The following CD72 variants were observed in gnomAD, a reference collection of about 807,000 sequenced individuals.
The protein encoded by CD72 is CD72 molecule.
CD72 carries 28 observed loss-of-function variants against 50.7 expected under a neutral mutation model. The ratio of observed to expected loss-of-function variants is 0.55; its 90% CI spans 0.41 to 0.76. CD72 has a LOEUF of 0.76. Among genes scored for constraint, CD72 ranks in the 30% least tolerant of loss-of-function variants. The pLI, the probability that CD72 is intolerant of heterozygous loss-of-function variation, is 0.00. For synonymous variants in CD72, 176 were observed against 171.2 expected (o/e 1.03, Z -0.22); for missense variants, 403 against 420.6 (o/e 0.96, Z 0.37).
intron 1 of CD72, among the ~76,000 whole-genome samples, chr9:35,630,036 C>CTTTTTTTTTTTTTT (rs35481553): frequency 1.6e-3 from 209 of 128,944 alleles, no homozygotes; most frequent in Non-Finnish European, 2.1e-3. Flanking sequence ...AATTTCTTTT[C>CTTTTTTTTTTTTTT]TTTTTTTTTT....
intron 2 of CD72, 50 bp from the exon 3 acceptor site, chr9:35,617,297 C>T (rs1474441121): frequency 3.5e-5 from 52 of 1,502,480 alleles, no homozygotes; most frequent in Non-Finnish European, 4.3e-5. Context: ...AGTGTTGCCC[C>T]TTCTCCTCCT....
chr9:35,610,708 C>G lies in CD72; in HGVS notation c.996G>C (p.Trp332Cys). Residue 332 changes from tryptophan to cysteine, a missense_variant, in exon 8 of 9, where the codon TGG (tryptophan) becomes TGC (cysteine). Physicochemically the swap from Trp to Cys is radical, Grantham distance 215 (BLOSUM62 -2). Coordinates refer to ENST00000259633, the MANE Select transcript of CD72 (RefSeq NM_001782.3). ...SSKCNKVHKT[W>C]SWWTLESESC... ...ACTCTGACTCCAGTGTCCACCATGA[C>G]CAAGTTTTATGTACCTTGTTACATT... is the stretch of plus-strand genomic sequence containing the variant. 1 of 1,612,746 alleles carries G rather than the reference C, an allele frequency of 6.2e-7. No individual in the cohort carries two copies. The highest frequency in any genetic ancestry group is 2.2e-5 in the East Asian group (1 of 44,880).
At chr9:35,626,507 G>A (rs1469836031) in intron 1 of CD72, among the ~76,000 whole-genome samples, 3 of 152,196 alleles carry the variant, frequency 2.0e-5, no homozygotes, top group East Asian at 1.9e-4. Flanking sequence ...CAGGGTTTGC[G>A]AGGATTGACT....
At chr9:35,617,928 C>T in intron 2 of CD72, 86 bp downstream of exon 2, 2 of 849,358 alleles carry the variant, frequency 2.4e-6, no homozygotes, top group Non-Finnish European at 4.1e-6. Context: ...AAGACCCTGT[C>T]TCAAGAACAA....
intron 1 of CD72, among the ~76,000 whole-genome samples, chr9:35,638,901 G>C (rs1823314884): frequency 6.6e-6 from 1 of 152,168 alleles, no homozygotes; most frequent in African/African-American, 2.4e-5. Context: ...TGTTAATTCT[G>C]ACAAGCTAAA....
In CD72 at chr9:35,612,671, G is replaced by C; in HGVS notation, c.834+177C>G. On this transcript the variant is annotated intron_variant, in intron 6 of 8. Coordinates refer to ENST00000259633, the MANE Select transcript of CD72 (RefSeq NM_001782.3). Reference sequence around the variant, plus strand: ...TAGGGGCTGCCTGGACCACTGTGCTGAGAAGATGCAGAGGTTGTTTCCAAG... The same window carrying C: ...TAGGGGCTGCCTGGACCACTGTGCTCAGAAGATGCAGAGGTTGTTTCCAAG... The C allele has an allele frequency of 6.4e-6, 4 of 625,736 alleles. No individual in the cohort carries two copies. In the East Asian group the frequency reaches 1.1e-4, roughly 17 times the overall value. 38.8% of individuals were successfully genotyped at this position (625,736 alleles called of 1,614,324 possible).
At chr9:35,621,055 G>T (rs1003076519), upstream of CD72, among the ~76,000 whole-genome samples, 2 of 152,176 alleles carry the variant, frequency 1.3e-5, no homozygotes, top group African/African-American at 4.8e-5. Flanking sequence ...GTCACTTGGG[G>T]TCTTTACAGT....
intron 1 of CD72, among the ~76,000 whole-genome samples, chr9:35,628,777 G>C (rs1290889634): frequency 3.3e-5 from 5 of 152,208 alleles, no homozygotes; most frequent in African/African-American, 1.2e-4. Flanking sequence ...CTGGGAGTGG[G>C]AGAGTAACTG....
At chr9:35,629,680 G>A (rs564624490) in intron 1 of CD72, among the ~76,000 whole-genome samples, 4 of 152,204 alleles carry the variant, frequency 2.6e-5, no homozygotes, top group Non-Finnish European at 5.9e-5. Flanking sequence ...GCCAGAACCC[G>A]TGAACATAGA....
chr9:35,641,534 T>G (rs1301201994), intron 1 of CD72, among the ~76,000 whole-genome samples: 2 of 152,158 alleles, frequency 1.3e-5, no homozygotes, highest in Non-Finnish European at 2.9e-5. Flanking sequence ...TAAAGTAATT[T>G]CCATTGGTTA....
At chr9:35,619,734 G>A (rs936212304), upstream of CD72, among the ~76,000 whole-genome samples, 1 of 152,192 alleles carries the variant, frequency 6.6e-6, no homozygotes, top group African/African-American at 2.4e-5. Context: ...TGAGGTGAGC[G>A]GCTATGTCAG....
intron 1 of CD72, among the ~76,000 whole-genome samples, chr9:35,632,247 G>C (rs931634615): frequency 6.7e-6 from 1 of 150,148 alleles, no homozygotes; most frequent in South Asian, 2.1e-4. Flanking sequence ...GCGCGATCTC[G>C]GCTCACTGCA....
chr9:35,632,921 TTTTTAG>T (rs1823258943), intron 1 of CD72, among the ~76,000 whole-genome samples: 2 of 150,964 alleles, frequency 1.3e-5, no homozygotes, highest in East Asian at 3.9e-4. Flanking sequence ...TTATTTATCC[TTTTTAG>T]TTTTTTTTTT....
intron 1 of CD72, among the ~76,000 whole-genome samples, chr9:35,640,703 G>T (rs1479420792): frequency 2.6e-5 from 4 of 152,230 alleles, no homozygotes; most frequent in African/African-American, 9.6e-5. Flanking sequence ...AGCAGTGGTG[G>T]ACGGGGAGCG....
At chr9:35,631,334 G>C (rs1297848730) in intron 1 of CD72, among the ~76,000 whole-genome samples, 1 of 151,984 alleles carries the variant, frequency 6.6e-6, no homozygotes, top group Non-Finnish European at 1.5e-5. Flanking sequence ...ACTGAATTTG[G>C]TAAAACTTCC....
At chr9:35,637,175 G>C (rs1823298371) in intron 1 of CD72, among the ~76,000 whole-genome samples, 1 of 152,130 alleles carries the variant, frequency 6.6e-6, no homozygotes, top group South Asian at 2.1e-4. Context: ...GCAAAAAATT[G>C]CTCCTAACTC....
In CD72 at chr9:35,641,297, C is replaced by G. The variant is rs369653948; in HGVS notation, n.408+5106G>C. On this transcript the variant is annotated intron_variant and non_coding_transcript_variant, in intron 1 of 3. Transcript: ENST00000465754. ...GCATCTGGGGCTCCATTTGAAGAACCATTTGTAGTTTTACAGTTTCAATTC... is the reference window on the plus strand; with the variant it reads ...GCATCTGGGGCTCCATTTGAAGAACGATTTGTAGTTTTACAGTTTCAATTC... Among the ~76,000 whole-genome samples, 79 of 152,142 alleles carry G rather than the reference C, an allele frequency of 5.2e-4. 2 individuals carry two copies. In the South Asian group the frequency reaches 0.012, roughly 23 times the overall value.
chr9:35,616,632 A>G lies in CD72; in HGVS notation c.320T>C (p.Leu107Ser). Residue 107 changes from leucine (L) to serine (S), a missense_variant, in exon 4 of 9, where the codon TTA becomes TCA. Leu to Ser is a moderately radical substitution (Grantham distance 145). Transcript: ENST00000259633. ...LLGLLLTCLL[L>S]GVTAICLGVR... Reference sequence around the variant, plus strand: ...TCCCAGGCAGATGGCGGTCACTCCTAACAGCAGGCAGGTGAGGAGCAGGCC... The same window carrying G: ...TCCCAGGCAGATGGCGGTCACTCCTGACAGCAGGCAGGTGAGGAGCAGGCC... 3.1e-6 allele frequency: 5 copies of G among 1,613,990 alleles called. No individual in the cohort carries two copies. The highest frequency in any genetic ancestry group is 4.2e-6 in the Non-Finnish European group (5 of 1,179,950).
At chr9:35,636,530 C>T (rs1381332642) in intron 1 of CD72, among the ~76,000 whole-genome samples, 1 of 152,116 alleles carries the variant, frequency 6.6e-6, no homozygotes, top group Non-Finnish European at 1.5e-5. Context: ...TAAATCTGTT[C>T]CCTCCTTGTA....
Sources: gnomAD v4.1 joint callset for allele counts (sites outside exome capture counted in the v4.1 genomes callset) on GRCh38, gnomAD v4.1.1 for gene constraint, MANE v1.5 for transcripts, NCBI Gene and HGNC (gene_info 2026-07-23, HGNC 2026-07-21) for gene names.